MAPKAP1: variants seen among roughly 807,000 people sequenced by gnomAD.
The protein encoded by MAPKAP1 is target of rapamycin complex 2 subunit MAPKAP1.
MAPKAP1 carries 20 observed loss-of-function variants against 65.7 expected under a neutral mutation model. That is an observed-to-expected ratio of 0.30 (90% confidence interval 0.21 to 0.44). The LOEUF (loss-of-function observed/expected upper bound fraction) is 0.44. Among genes scored for constraint, MAPKAP1 ranks in the 20% least tolerant of loss-of-function variants. The probability of loss-of-function intolerance (pLI) is 1.00; values close to 1 mark genes in which losing one functional copy is unlikely to be tolerated. For missense variants in MAPKAP1, 423 were observed against 648.0 expected, an observed-to-expected ratio of 0.65 and a Z score of 3.77; for synonymous variants, 222 against 244.3, an observed-to-expected ratio of 0.91 and a Z score of 0.85.
At chr9:125,566,556 T>G (rs968000185) in intron 5 of MAPKAP1, among the ~76,000 whole-genome samples, 9 of 137,960 alleles carry the variant, frequency 6.5e-5, no homozygotes, top group Admixed American at 1.6e-4. Flanking sequence ...AGTGAGACAC[T>G]GTCTTGAAAA....
At chr9:125,673,217 TTTGTTG>T (rs1172079002) in intron 1 of MAPKAP1, among the ~76,000 whole-genome samples, 4 of 152,084 alleles carry the variant, frequency 2.6e-5, no homozygotes, top group Admixed American at 6.6e-5. Context: ...GTATTGTGTT[TTTGTTG>T]TTGTTGTTGT....
In MAPKAP1 at chr9:125,657,728, T is replaced by C; in HGVS notation, c.421A>G (p.Ile141Val). Residue 141 changes from isoleucine to valine, a missense_variant, in exon 4 of 12, where the codon ATA becomes GTA. By Grantham distance (29) the Ile-to-Val change is conservative (BLOSUM62 3). Transcript: ENST00000265960. ...EKPPISGKQS[I>V]LSVRLEQCPL... ...CACTGTTCTAGGCGTACAGATAATA[T>C]CGACTGCTTCCCAGAAATTGGAGGC... 1 of 1,614,040 alleles carries C rather than the reference T, an allele frequency of 6.2e-7. No individual in the cohort carries two copies.
chr9:125,594,157 G>C (rs1223032617), intron 4 of MAPKAP1, among the ~76,000 whole-genome samples: 1 of 152,138 alleles, frequency 6.6e-6, no homozygotes, highest in Non-Finnish European at 1.5e-5. Flanking sequence ...GACCACTGCA[G>C]CAATCTCCAA....
chr9:125,661,418 C>T (rs1258718350), intron 3 of MAPKAP1, among the ~76,000 whole-genome samples: 2 of 152,216 alleles, frequency 1.3e-5, no homozygotes, highest in Non-Finnish European at 2.9e-5. Context: ...AACAAACAAA[C>T]ATCCCTCACC....
intron 10 of MAPKAP1, among the ~76,000 whole-genome samples, chr9:125,455,519 T>A (rs1001563706): frequency 1.3e-5 from 2 of 152,192 alleles, no homozygotes; most frequent in African/African-American, 4.8e-5. Context: ...AAATTTCACA[T>A]TTTTTATTGA....
At chr9:125,449,967 G>A (rs1253360828) in intron 10 of MAPKAP1, among the ~76,000 whole-genome samples, 1 of 151,932 alleles carries the variant, frequency 6.6e-6, no homozygotes, top group African/African-American at 2.4e-5. Context: ...CTGTCACCCA[G>A]GCTGGAGTGC....
chr9:125,672,692 GA>G, intron 1 of MAPKAP1, 49 bp from the exon 2 acceptor site: 1 of 1,183,166 alleles, frequency 8.5e-7, no homozygotes, highest in Non-Finnish European at 1.2e-6. Context: ...GGCAGAAAAT[GA>G]CTGAATCATT....
At chr9:125,657,970 G>A (rs527306455) in intron 3 of MAPKAP1, among the ~76,000 whole-genome samples, 171 bp from the exon 4 acceptor site, 1 of 152,282 alleles carries the variant, frequency 6.6e-6, no homozygotes, top group African/African-American at 2.4e-5. Context: ...GGCAGAGCAC[G>A]GAAGAACGTG....
chr9:125,624,307 G>A (rs1224268269), intron 4 of MAPKAP1, among the ~76,000 whole-genome samples: 2 of 22,308 alleles, frequency 9.0e-5, no homozygotes, highest in African/African-American at 1.9e-4. Flanking sequence ...CCCTCTGCCC[G>A]GCCAGCCGCC....
chr9:125,697,609 G>C (rs1302157328), intron 1 of MAPKAP1, among the ~76,000 whole-genome samples: 1 of 152,002 alleles, frequency 6.6e-6, no homozygotes, highest in Non-Finnish European at 1.5e-5. Context: ...TGAACATTAA[G>C]GTTCTAATTT....
intron 1 of MAPKAP1, among the ~76,000 whole-genome samples, chr9:125,706,148 C>A (rs912419962): frequency 6.6e-6 from 1 of 152,048 alleles, no homozygotes; most frequent in Non-Finnish European, 1.5e-5. Context: ...TGTGTGGGCT[C>A]ATAAAATATA....
intron 10 of MAPKAP1, among the ~76,000 whole-genome samples, chr9:125,448,471 G>A (rs995240039): frequency 6.6e-6 from 1 of 152,148 alleles, no homozygotes; most frequent in Non-Finnish European, 1.5e-5. Context: ...AAGAACACCT[G>A]TTATCAGATA....
At chr9:125,593,491 G>A (rs551450415) in intron 4 of MAPKAP1, among the ~76,000 whole-genome samples, 18 of 152,060 alleles carry the variant, frequency 1.2e-4, no homozygotes, top group East Asian at 3.9e-4. Context: ...GTGAAACCCC[G>A]TCTCTACTGA....
At chr9:125,494,570 C>T (rs1324435938) in intron 8 of MAPKAP1, among the ~76,000 whole-genome samples, 1 of 152,118 alleles carries the variant, frequency 6.6e-6, no homozygotes, top group Non-Finnish European at 1.5e-5. Flanking sequence ...TGTAGAATTT[C>T]GAAAAAGAGC....
At chr9:125,607,707 G>A (rs1025692454) in intron 4 of MAPKAP1, among the ~76,000 whole-genome samples, 1 of 152,272 alleles carries the variant, frequency 6.6e-6, no homozygotes, top group East Asian at 1.9e-4. Context: ...CCAGGCTGGA[G>A]TGCAGTGGCA....
At chr9:125,618,405 C>A (rs1311089704) in intron 4 of MAPKAP1, among the ~76,000 whole-genome samples, 1 of 145,708 alleles carries the variant, frequency 6.9e-6, no homozygotes, top group Non-Finnish European at 1.5e-5. Flanking sequence ...CAACCCATTA[C>A]CCATTATGGG....
chr9:125,586,660 C>T (rs547444663), intron 4 of MAPKAP1, among the ~76,000 whole-genome samples: 21 of 152,276 alleles, frequency 1.4e-4, no homozygotes, highest in Non-Finnish European at 1.5e-5. Context: ...CATCCTCTCT[C>T]CCTCCTTTTG....
chr9:125,565,671 C>A (rs1459657124), intron 5 of MAPKAP1: 2 of 420,434 alleles, frequency 4.8e-6, no homozygotes, highest in Admixed American at 3.3e-5. Context: ...CTCCAAAACC[C>A]CTCAGGAAAG....
At chr9:125,603,029 G>T (rs1340257399) in intron 4 of MAPKAP1, among the ~76,000 whole-genome samples, 1 of 151,802 alleles carries the variant, frequency 6.6e-6, no homozygotes, top group Non-Finnish European at 1.5e-5. Context: ...CAAGAAGCTG[G>T]GACTACAGGA....
Sources: allele counts gnomAD v4.1 joint callset (sites outside exome capture counted in the v4.1 genomes callset), GRCh38; gene constraint gnomAD v4.1.1; transcripts MANE v1.5; gene names NCBI Gene and HGNC (gene_info 2026-07-23, HGNC 2026-07-21).